ADD3: variants seen among roughly 807,000 people sequenced by gnomAD.
ADD3 encodes the protein gamma-adducin.
A neutral mutation model predicts 80.2 loss-of-function variants in ADD3; 25 were observed. The observed-to-expected ratio is 0.31, with a 90% CI of 0.23 to 0.44. The LOEUF is 0.44. ADD3 is among the 20% of genes least tolerant of loss of function. The pLI, the probability that ADD3 is intolerant of heterozygous loss-of-function variation, is 1.00. For synonymous variants in ADD3, 284 were observed against 289.6 expected, an observed-to-expected ratio of 0.98 and a Z score of 0.20; for missense variants, 829 against 847.5, an observed-to-expected ratio of 0.98 and a Z score of 0.27.
chr10:110,017,150 G>C (rs1213438601), intron 1 of ADD3, among the ~76,000 whole-genome samples: 1 of 152,170 alleles, frequency 6.6e-6, no homozygotes, highest in Non-Finnish European at 1.5e-5. Context: ...TTTGAGGTCA[G>C]GGCTAATACC....
chr10:110,045,806 C>A (rs930022159), intron 1 of ADD3, among the ~76,000 whole-genome samples: 12 of 152,278 alleles, frequency 7.9e-5, no homozygotes, highest in Admixed American at 7.8e-4. Context: ...AGTATTAAAT[C>A]ATAGCTGCAT....
chr10:110,014,805 G>C (rs1186227053), intron 1 of ADD3, among the ~76,000 whole-genome samples: 2 of 152,022 alleles, frequency 1.3e-5, no homozygotes, highest in East Asian at 1.9e-4. Flanking sequence ...GGGATTACAG[G>C]TGTGAGCCAC....
intron 1 of ADD3, among the ~76,000 whole-genome samples, chr10:110,021,422 A>G (rs139438239): frequency 8.1e-4 from 123 of 152,376 alleles, no homozygotes; most frequent in South Asian, 2.1e-3. Flanking sequence ...ACTAGTGACC[A>G]TAGCAACATT....
At chr10:110,117,248 C>T in intron 4 of ADD3, 94 bp from the exon 5 acceptor site, 3 of 614,632 alleles carry the variant, frequency 4.9e-6, no homozygotes, top group Admixed American at 3.1e-5. Flanking sequence ...TTCCTGATCT[C>T]TTACAATTAT....
intron 1 of ADD3, among the ~76,000 whole-genome samples, chr10:110,040,929 G>C (rs922853795): frequency 7.5e-6 from 1 of 133,826 alleles, no homozygotes; most frequent in Non-Finnish European, 1.6e-5. Flanking sequence ...TCTCTCTCTC[G>C]CTCTCTCTCT....
At chr10:110,024,492 G>T (rs1456934487) in intron 1 of ADD3, among the ~76,000 whole-genome samples, 2 of 152,160 alleles carry the variant, frequency 1.3e-5, no homozygotes, top group Non-Finnish European at 2.9e-5. Context: ...TTTGTTGCAT[G>T]CACAGTTGAC....
rs141987039 is a variant in ADD3 at position 109,998,544 on chromosome 10, CTG to C, written n.79+2100_79+2101del. ...GGAAATTCCAAAAATGCAAATGAGA[CTG>C]TAGCCTTCCTTTGCTTAAAACCTTC... On this transcript the variant is annotated intron_variant and non_coding_transcript_variant, in intron 1 of 5. Coordinates refer to the ADD3 transcript ENST00000468251. Among the ~76,000 whole-genome samples the C allele has an allele frequency of 6.7e-3, 1,024 of 152,290 alleles. 17 individuals carry two copies. Among genetic ancestry groups the C allele is most frequent in the East Asian group, 0.059 (306 of 5,180 alleles).
chr10:110,063,780 T>TAAAAATATAAATAA (rs1279700118), intron 1 of ADD3, among the ~76,000 whole-genome samples: 2 of 112,580 alleles, frequency 1.8e-5, no homozygotes, highest in African/African-American at 6.8e-5. Flanking sequence ...TATATATATA[T>TAAAAATATAAATAA]ATAAAGTGAA....
chr10:110,050,381 A>G (rs1164447449), intron 1 of ADD3, among the ~76,000 whole-genome samples: 1 of 152,078 alleles, frequency 6.6e-6, no homozygotes, highest in Admixed American at 6.6e-5. Flanking sequence ...TGATTTTATA[A>G]GGGGTTTCCC....
At chr10:110,075,923 A>G (rs192390171) in intron 1 of ADD3, among the ~76,000 whole-genome samples, 33 of 152,320 alleles carry the variant, frequency 2.2e-4, no homozygotes, top group African/African-American at 7.9e-4. Flanking sequence ...GGGTCCTGAG[A>G]GAGGATGTTC....
intron 10 of ADD3, among the ~76,000 whole-genome samples, chr10:110,124,941 A>G (rs12247947): frequency 0.14 from 21,797 of 152,112 alleles, 5,051 homozygotes; most frequent in African/African-American, 0.49. Context: ...ATTTTGTTAA[A>G]CTAATCAGCT....
At chr10:110,027,957 GT>G (rs1854506516) in intron 1 of ADD3, among the ~76,000 whole-genome samples, 1 of 152,136 alleles carries the variant, frequency 6.6e-6, no homozygotes, top group African/African-American at 2.4e-5. Flanking sequence ...AGAAAAGGTT[GT>G]GGGGGGAAGA....
chr10:110,113,273 G>GT lies in ADD3; in HGVS notation c.334+364dup, dbSNP rs201476651. On this transcript the variant is annotated intron_variant, in intron 3 of 14. Transcript: ENST00000356080. ...TATTTTTGTTTTTTTGTTGTTGTTTGTTTTTTCTTTTGAGACAGGAGTCTT... is the reference window on the plus strand; with the variant it reads ...TATTTTTGTTTTTTTGTTGTTGTTTGTTTTTTTCTTTTGAGACAGGAGTCTT... 1.8e-4 allele frequency among the ~76,000 whole-genome samples: 27 copies of GT among 152,124 alleles called. No homozygotes were observed. In the East Asian group the frequency reaches 5.2e-3, roughly 29 times the overall value.
chr10:110,016,822 A>G (rs916294730), intron 1 of ADD3, among the ~76,000 whole-genome samples: 2 of 152,186 alleles, frequency 1.3e-5, no homozygotes, highest in Non-Finnish European at 2.9e-5. Context: ...CTGTGGTAGC[A>G]GCCATGGGTA....
At chr10:110,015,372 G>A (rs1377364104) in intron 1 of ADD3, among the ~76,000 whole-genome samples, 2 of 150,298 alleles carry the variant, frequency 1.3e-5, no homozygotes, top group Non-Finnish European at 3.0e-5. Flanking sequence ...ATATTAGAAT[G>A]TTTGATTTTT....
chr10:110,119,311 A>G lies in ADD3; in HGVS notation c.818A>G (p.Glu273Gly), dbSNP rs755933623. 20 of 1,614,016 alleles carry G rather than the reference A, an allele frequency of 1.2e-5. No individual in the cohort carries two copies. The South Asian group carries it at 1.9e-4, about 15-fold the overall frequency. ...TACCAAGGGTCACTTGAAGAACAGG[A>G]GGAGAGAATTCAACTGCAGAAGGTT... ...YDYQGSLEEQ[E>G]ERIQLQKVLG... Residue 273 changes from glutamate to glycine, a missense_variant, in exon 7 of 15, where the codon GAG becomes GGG. By Grantham distance (98) the Glu-to-Gly change is moderately conservative. Coordinates refer to ENST00000356080, the MANE Select transcript of ADD3 (RefSeq NM_016824.5).
rs5786 is a variant in ADD3, at chr10:110,133,667, T to C, written c.*49T>C. 2.1e-3 allele frequency: 2,915 copies of C among 1,407,828 alleles called. 59 individuals carry two copies. In the African/African-American group the frequency reaches 0.039, roughly 19 times the overall value. 87.2% of individuals were successfully genotyped at this position (1,407,828 alleles called of 1,614,324 possible). ...TTATAACAATGTGACATTGCACATC[T>C]AAATACCACATTTAAGTTGATCATT... On this transcript the variant is annotated 3_prime_UTR_variant, in exon 15 of 15. Transcript: ENST00000356080.
chr10:110,005,264 C>G (rs1022277369), upstream of ADD3, among the ~76,000 whole-genome samples: 1 of 150,564 alleles, frequency 6.6e-6, no homozygotes, highest in Non-Finnish European at 1.5e-5. Context: ...ATTTCACCAT[C>G]TTGGCCAGGC....
intron 1 of ADD3, among the ~76,000 whole-genome samples, chr10:110,014,818 C>T (rs1218046167): frequency 6.6e-6 from 1 of 152,108 alleles, no homozygotes; most frequent in Non-Finnish European, 1.5e-5. Flanking sequence ...TGAGCCACCG[C>T]GTCCAGCCTT....
Sources: gnomAD v4.1 joint callset for allele counts (sites outside exome capture counted in the v4.1 genomes callset) on GRCh38, gnomAD v4.1.1 for gene constraint, MANE v1.5 for transcripts, NCBI Gene and HGNC (gene_info 2026-07-23, HGNC 2026-07-21) for gene names.